FSTL5: variants seen among roughly 807,000 people sequenced by gnomAD.
FSTL5 encodes follistatin-related protein 5.
A neutral mutation model predicts 89.1 loss-of-function variants in FSTL5; 62 were observed. The observed-to-expected ratio is 0.70, with a 90% CI of 0.57 to 0.86. The LOEUF (loss-of-function observed/expected upper bound fraction) is 0.86. FSTL5 is among the 40% of genes least tolerant of loss of function. The pLI is 0.00. For missense variants in FSTL5, 1,057 were observed against 1,001.6 expected (o/e 1.06, Z -0.75); for synonymous variants, 383 against 346.2 (o/e 1.11, Z -1.18).
At chr4:161,682,210 CAGTG>C (rs1463047244) in intron 6 of FSTL5, among the ~76,000 whole-genome samples, 1 of 152,118 alleles carries the variant, frequency 6.6e-6, no homozygotes, top group African/African-American at 2.4e-5. Flanking sequence ...CTGGGTAAGT[CAGTG>C]AGTGAGTGGT....
intron 2 of FSTL5, among the ~76,000 whole-genome samples, chr4:162,071,606 A>G (rs1254501896): frequency 6.6e-6 from 1 of 151,792 alleles, no homozygotes; most frequent in Admixed American, 6.6e-5. Context: ...TAATCAGCAT[A>G]GAAACCTTGA....
At chr4:161,465,352 A>G (rs1045570708) in intron 13 of FSTL5, among the ~76,000 whole-genome samples, 12 of 152,200 alleles carry the variant, frequency 7.9e-5, no homozygotes, top group Admixed American at 6.5e-5. Flanking sequence ...GACATGAAGT[A>G]AATGCATTAT....
chr4:161,455,359 A>G (rs1312228117), intron 14 of FSTL5, among the ~76,000 whole-genome samples: 5 of 152,166 alleles, frequency 3.3e-5, no homozygotes, highest in African/African-American at 1.2e-4. Flanking sequence ...ATTTGCCTTG[A>G]ACAATTTCAG....
intron 15 of FSTL5, among the ~76,000 whole-genome samples, chr4:161,427,276 C>G (rs1346513760): frequency 6.6e-6 from 1 of 152,220 alleles, no homozygotes; most frequent in African/African-American, 2.4e-5. Flanking sequence ...TGGGAATGAG[C>G]TCAACAGATC....
intron 4 of FSTL5, among the ~76,000 whole-genome samples, chr4:161,901,070 T>G (rs1022292077): frequency 6.6e-6 from 1 of 152,140 alleles, no homozygotes; most frequent in African/African-American, 2.4e-5. Context: ...TTTCAACTTT[T>G]GTTTATTCAC....
intron 8 of FSTL5, among the ~76,000 whole-genome samples, chr4:161,547,217 G>A (rs950385979): frequency 5.9e-5 from 9 of 151,984 alleles, no homozygotes; most frequent in Admixed American, 5.9e-4. Context: ...GCTTTCAGAT[G>A]ACTACAGCTC....
intron 9 of FSTL5, among the ~76,000 whole-genome samples, chr4:161,538,985 G>A (rs555744498): frequency 4.5e-4 from 69 of 152,086 alleles, no homozygotes; most frequent in Admixed American, 2.2e-3. Flanking sequence ...GGCTGGTTTC[G>A]AACTCCTGAC....
At chr4:161,933,860 A>G (rs1034780364) in intron 3 of FSTL5, among the ~76,000 whole-genome samples, 5 of 148,346 alleles carry the variant, frequency 3.4e-5, no homozygotes, top group Non-Finnish European at 7.4e-5. Context: ...TATTTACCAC[A>G]TATGTTTGCT....
intron 2 of FSTL5, among the ~76,000 whole-genome samples, chr4:162,094,040 T>C (rs747855961): frequency 3.3e-5 from 5 of 152,188 alleles, no homozygotes; most frequent in Non-Finnish European, 5.9e-5. Flanking sequence ...ACCATTTTGA[T>C]ATATTTTATA....
intron 8 of FSTL5, among the ~76,000 whole-genome samples, chr4:161,577,473 CAA>C (rs544029134): frequency 8.2e-5 from 9 of 110,220 alleles, no homozygotes; most frequent in African/African-American, 2.8e-4. Flanking sequence ...AGAAAAAAGA[CAA>C]AAAAAAAAAA....
intron 6 of FSTL5, among the ~76,000 whole-genome samples, chr4:161,702,104 T>A (rs1738411977): frequency 6.6e-6 from 1 of 152,162 alleles, no homozygotes; most frequent in South Asian, 2.1e-4. Context: ...ATCATAGCAT[T>A]CTCCTACTTA....
intron 3 of FSTL5, among the ~76,000 whole-genome samples, chr4:161,955,883 G>A (rs1464228069): frequency 6.6e-6 from 1 of 151,630 alleles, no homozygotes; most frequent in Non-Finnish European, 1.5e-5. Context: ...AAGGAGAGAG[G>A]TGGTTTTTTT....
chr4:161,706,859 C>T (rs1403216989), intron 6 of FSTL5, among the ~76,000 whole-genome samples: 1 of 151,922 alleles, frequency 6.6e-6, no homozygotes, highest in African/African-American at 2.4e-5. Context: ...AAATTATGCT[C>T]TCAAAAGTAG....
At chr4:161,707,452 G>T (rs969830663) in intron 6 of FSTL5, among the ~76,000 whole-genome samples, 1 of 151,830 alleles carries the variant, frequency 6.6e-6, no homozygotes, top group Non-Finnish European at 1.5e-5. Flanking sequence ...TTGAAATCAT[G>T]CATCATATAT....
At chr4:161,925,950 CAATT>C (rs1402003202) in intron 3 of FSTL5, among the ~76,000 whole-genome samples, 2 of 151,858 alleles carry the variant, frequency 1.3e-5, no homozygotes, top group Admixed American at 6.6e-5. Context: ...TTACATTACA[CAATT>C]AAATATTTTG....
At chr4:161,975,357 C>T (rs901303038) in intron 3 of FSTL5, among the ~76,000 whole-genome samples, 6 of 152,086 alleles carry the variant, frequency 3.9e-5, no homozygotes, top group Admixed American at 1.3e-4. Context: ...CCAACCCAAA[C>T]GTCCAACAGT....
intron 4 of FSTL5, among the ~76,000 whole-genome samples, chr4:161,787,351 T>C (rs532835713): frequency 6.6e-6 from 1 of 152,120 alleles, no homozygotes; most frequent in Non-Finnish European, 1.5e-5. Context: ...TGCTTGACAG[T>C]TGAAGCCATG....
At position 161,453,235 on chromosome 4, in the gene FSTL5, A is replaced by T. The variant is rs906906508; in HGVS notation, c.1841+1769T>A. Reference sequence around the variant, plus strand: ...GAAATTGTATTAATAGTACATTTTTAAAAAATAAGCAAGGTTGATAATAGC... The same window carrying T: ...GAAATTGTATTAATAGTACATTTTTTAAAAATAAGCAAGGTTGATAATAGC... On this transcript the variant is annotated intron_variant, in intron 15 of 15. Coordinates refer to ENST00000306100, the MANE Select transcript of FSTL5 (RefSeq NM_020116.5). 5.9e-5 allele frequency among the ~76,000 whole-genome samples: 9 copies of T among 152,228 alleles called. 1 individual carries two copies. The highest frequency in any genetic ancestry group is 1.0e-4 in the Non-Finnish European group (7 of 68,044).
At chr4:161,526,736 T>G (rs1349504892) in intron 10 of FSTL5, among the ~76,000 whole-genome samples, 2 of 152,194 alleles carry the variant, frequency 1.3e-5, no homozygotes, top group Non-Finnish European at 2.9e-5. Flanking sequence ...TTCTCAGGTT[T>G]GTCAAAAATC....
Sources: allele counts gnomAD v4.1 joint callset (sites outside exome capture counted in the v4.1 genomes callset), GRCh38; gene constraint gnomAD v4.1.1; transcripts MANE v1.5; gene names NCBI Gene and HGNC (gene_info 2026-07-23, HGNC 2026-07-21).